The following CAMTA1 variants were observed in gnomAD, a reference collection of about 807,000 sequenced individuals.
The protein encoded by CAMTA1 is calmodulin binding transcription activator 1, also known as calmodulin-binding transcription activator 1.
In CAMTA1, 27 loss-of-function variants were observed where a neutral mutation model predicts 170.9. The ratio of observed to expected loss-of-function variants is 0.16; its 90% CI spans 0.12 to 0.22. The LOEUF is 0.22. CAMTA1 is among the 10% of genes least tolerant of loss of function. The pLI is 1.00. For synonymous variants in CAMTA1, 833 were observed against 891.5 expected, an observed-to-expected ratio of 0.93 and a Z score of 1.17; for missense variants, 1,619 against 2,217.2, an observed-to-expected ratio of 0.73 and a Z score of 5.42.
intron 6 of CAMTA1, among the ~76,000 whole-genome samples, chr1:7,572,629 C>T (rs181794233): frequency 4.6e-5 from 7 of 152,220 alleles, no homozygotes; most frequent in African/African-American, 1.7e-4. Context: ...TTGTCAGCTT[C>T]GTCAGAGATT....
chr1:7,623,498 A>G (rs1042544359), intron 6 of CAMTA1, among the ~76,000 whole-genome samples: 1 of 152,270 alleles, frequency 6.6e-6, no homozygotes, highest in South Asian at 2.1e-4. Flanking sequence ...TTCTCCTAGA[A>G]ATGAAGGAAA....
intron 3 of CAMTA1, among the ~76,000 whole-genome samples, chr1:7,088,447 G>A (rs187223030): frequency 9.5e-4 from 145 of 152,292 alleles, no homozygotes; most frequent in African/African-American, 3.4e-3. Flanking sequence ...CCCATCGCTC[G>A]ACTGTGAGCT....
At chr1:7,351,733 G>A (rs975836698) in intron 5 of CAMTA1, among the ~76,000 whole-genome samples, 1 of 152,206 alleles carries the variant, frequency 6.6e-6, no homozygotes. Context: ...TCAAGGAGCC[G>A]TGGTCATTTG....
intron 6 of CAMTA1, among the ~76,000 whole-genome samples, chr1:7,545,631 G>A (rs569082585): frequency 8.5e-5 from 13 of 152,126 alleles, no homozygotes; most frequent in Non-Finnish European, 1.5e-4. Context: ...TCACATAAGG[G>A]ATACTGAGCT....
intron 6 of CAMTA1, among the ~76,000 whole-genome samples, chr1:7,511,940 C>T (rs149918432): frequency 3.9e-5 from 6 of 152,302 alleles, no homozygotes; most frequent in Non-Finnish European, 5.9e-5. Context: ...TTCTCAGTTT[C>T]TTCTGAGGTT....
chr1:6,959,704 T>C (rs1338169230), intron 3 of CAMTA1, among the ~76,000 whole-genome samples: 1 of 152,228 alleles, frequency 6.6e-6, no homozygotes, highest in East Asian at 1.9e-4. Flanking sequence ...ATCATCTCCA[T>C]AGTCTGTGAG....
chr1:7,600,972 T>C (rs967895199), intron 6 of CAMTA1, among the ~76,000 whole-genome samples: 9 of 152,018 alleles, frequency 5.9e-5, no homozygotes, highest in Non-Finnish European at 1.2e-4. Context: ...ATTGTCATCA[T>C]GGCCCGTTCT....
chr1:7,371,742 G>A (rs2086488891), intron 5 of CAMTA1, among the ~76,000 whole-genome samples: 1 of 152,208 alleles, frequency 6.6e-6, no homozygotes, highest in Admixed American at 6.5e-5. Flanking sequence ...TCATTTGACA[G>A]ATGAACCCGT....
chr1:6,989,726 A>G (rs1696004898), intron 3 of CAMTA1, among the ~76,000 whole-genome samples: 1 of 152,162 alleles, frequency 6.6e-6, no homozygotes, highest in South Asian at 2.1e-4. Context: ...GAAGAGTTTA[A>G]CTTTGAAAGG....
intron 3 of CAMTA1, among the ~76,000 whole-genome samples, chr1:6,959,076 T>C (rs1689947439): frequency 2.0e-5 from 3 of 152,334 alleles, no homozygotes; most frequent in African/African-American, 4.8e-5. Context: ...CTTGAGTATT[T>C]TGGCAGAGTC....
chr1:7,638,985 C>CT lies in CAMTA1; in HGVS notation c.511-1410dup, dbSNP rs1239026766. ...GGAACTGATTTGAGACAAACTGGGC[C>CT]TTTTTATTTTTGAGACAGAGTCTCG... On this transcript the variant is annotated intron_variant, in intron 6 of 22. Transcript: ENST00000303635. Among the ~76,000 whole-genome samples, 1,155 of 152,172 alleles carry CT rather than the reference C, an allele frequency of 7.6e-3. 16 individuals carry two copies. The highest frequency in any genetic ancestry group is 0.027 in the African/African-American group (1,111 of 41,504).
intron 6 of CAMTA1, among the ~76,000 whole-genome samples, chr1:7,500,936 G>A (rs1309741088): frequency 6.6e-6 from 1 of 152,124 alleles, no homozygotes; most frequent in Non-Finnish European, 1.5e-5. Flanking sequence ...GGGGTCCCAG[G>A]CAGAAACTCT....
chr1:6,979,431 A>C (rs1694046066), intron 3 of CAMTA1, among the ~76,000 whole-genome samples: 1 of 152,234 alleles, frequency 6.6e-6, no homozygotes, highest in Admixed American at 6.5e-5. Context: ...AACCGTGTGC[A>C]TATGGGGAGG....
chr1:7,553,764 T>G (rs1182103704), intron 6 of CAMTA1, among the ~76,000 whole-genome samples: 1 of 150,756 alleles, frequency 6.6e-6, no homozygotes, highest in Non-Finnish European at 1.5e-5. Context: ...TCACCTGCAA[T>G]CAAGAGCTTG....
chr1:7,039,495 C>T (rs894017243), intron 3 of CAMTA1, among the ~76,000 whole-genome samples: 5 of 134,744 alleles, frequency 3.7e-5, no homozygotes, highest in Admixed American at 7.4e-5. Context: ...CCTTTCACAT[C>T]TGAACCATTG....
intron 3 of CAMTA1, among the ~76,000 whole-genome samples, chr1:6,861,189 C>T (rs1334854667): frequency 6.6e-6 from 1 of 152,084 alleles, no homozygotes; most frequent in Admixed American, 6.5e-5. Flanking sequence ...CTCCTGACCT[C>T]AAGCGATCCG....
At chr1:7,283,007 A>G (rs1341438113) in intron 5 of CAMTA1, among the ~76,000 whole-genome samples, 1 of 152,178 alleles carries the variant, frequency 6.6e-6, no homozygotes, top group Non-Finnish European at 1.5e-5. Flanking sequence ...TAATAGTGGG[A>G]ATTTGGAACA....
rs147625940 is a variant in CAMTA1 at position 7,403,339 on chromosome 1, A to T, written c.439-64491A>T. ...ACTCCAGCCTGGGCAACAAGAATGA[A>T]ACTCCATCTCAAAAAAAAGAAAGAA... On this transcript the variant is annotated intron_variant, in intron 5 of 22. Coordinates refer to ENST00000303635, the MANE Select transcript of CAMTA1 (RefSeq NM_015215.4). Among the ~76,000 whole-genome samples the T allele has an allele frequency of 9.3e-3, 1,411 of 152,140 alleles. 19 individuals are homozygous for T. Among genetic ancestry groups the T allele is most frequent in the African/African-American group, 0.032 (1,327 of 41,486 alleles).
chr1:6,998,002 T>G (rs998287266), intron 3 of CAMTA1, among the ~76,000 whole-genome samples: 9 of 152,138 alleles, frequency 5.9e-5, no homozygotes, highest in African/African-American at 2.2e-4. Context: ...CTTTATCTTT[T>G]TTTTGATGCA....
Sources: allele counts gnomAD v4.1 joint callset (sites outside exome capture counted in the v4.1 genomes callset), GRCh38; gene constraint gnomAD v4.1.1; transcripts MANE v1.5; gene names NCBI Gene and HGNC (gene_info 2026-07-23, HGNC 2026-07-21).